PDE1A: variants seen among roughly 807,000 people sequenced by gnomAD.
PDE1A encodes phosphodiesterase 1A, also known as dual specificity calcium/calmodulin-dependent 3',5'-cyclic nucleotide phosphodiesterase 1A.
PDE1A carries 35 observed loss-of-function variants against 61.7 expected under a neutral mutation model. That is an observed-to-expected ratio of 0.57 (90% CI 0.43 to 0.75). The LOEUF (loss-of-function observed/expected upper bound fraction) is 0.75, where lower values mean the gene tolerates loss of function less well. Ranked by LOEUF, PDE1A falls within the 30% of genes least tolerant of loss-of-function variation. PDE1A has a pLI of 0.00. For missense variants in PDE1A, 597 were observed against 630.6 expected, an observed-to-expected ratio of 0.95 and a Z score of 0.57; for synonymous variants, 232 against 213.2, an observed-to-expected ratio of 1.09 and a Z score of -0.77.
chr2:182,671,682 C>T, the PDE1A span, among the ~76,000 whole-genome samples: 2 of 144,100 alleles, frequency 1.4e-5, no homozygotes, highest in South Asian at 2.2e-4. Flanking sequence ...TGCAGTGGAG[C>T]GATCTCAGCT....
At chr2:182,539,255 T>C in the PDE1A span, among the ~76,000 whole-genome samples, 1 of 152,168 alleles carries the variant, frequency 6.6e-6, no homozygotes, top group East Asian at 1.9e-4. Context: ...TTAAATTCTG[T>C]GAAATTCATA....
intron 2 of PDE1A, among the ~76,000 whole-genome samples, chr2:182,507,768 T>C (rs1314580031): frequency 6.6e-6 from 1 of 152,194 alleles, no homozygotes; most frequent in Non-Finnish European, 1.5e-5. Context: ...AAATGAAGTA[T>C]TGAACAGCCA....
the PDE1A span, among the ~76,000 whole-genome samples, chr2:182,614,808 T>C: frequency 6.6e-6 from 1 of 152,190 alleles, no homozygotes; most frequent in Non-Finnish European, 1.5e-5. Context: ...CCACCTGCCT[T>C]GGCCTCCCAA....
the PDE1A span, among the ~76,000 whole-genome samples, chr2:182,658,065 A>AAAAAAAAC: frequency 9.4e-6 from 1 of 106,912 alleles, no homozygotes; most frequent in East Asian, 2.7e-4. Flanking sequence ...AAAAAAAAAA[A>AAAAAAAAC]AAAAAAACAA....
intron 8 of PDE1A, among the ~76,000 whole-genome samples, chr2:182,203,918 T>C (rs1005553782): frequency 1.4e-4 from 22 of 152,044 alleles, no homozygotes; most frequent in African/African-American, 5.1e-4. Context: ...AATTCTAAAA[T>C]GTATATAATA....
At chr2:182,444,555 T>G (rs16823254) in intron 2 of PDE1A, among the ~76,000 whole-genome samples, 25,006 of 152,034 alleles carry the variant, frequency 0.16, 2,405 homozygotes, top group Middle Eastern at 0.32. Flanking sequence ...ATATTGTACT[T>G]GAGCAAAATG....
At chr2:182,307,411 G>A (rs1412408772) in intron 1 of PDE1A, among the ~76,000 whole-genome samples, 1 of 152,112 alleles carries the variant, frequency 6.6e-6, no homozygotes. Flanking sequence ...TGCTTTCACT[G>A]TCACCCTCTC....
intron 2 of PDE1A, among the ~76,000 whole-genome samples, chr2:182,484,068 A>G (rs1477112804): frequency 6.6e-6 from 1 of 152,006 alleles, no homozygotes; most frequent in Non-Finnish European, 1.5e-5. Context: ...ATAAACAAAA[A>G]TCTGAATAGA....
intron 1 of PDE1A, among the ~76,000 whole-genome samples, chr2:182,418,487 TA>T (rs1260743037): frequency 5.3e-5 from 8 of 152,188 alleles, no homozygotes; most frequent in African/African-American, 1.9e-4. Context: ...CATTCATATA[TA>T]TTTTTTTCCT....
chr2:182,385,564 T>C (rs1160185977), intron 1 of PDE1A, among the ~76,000 whole-genome samples: 1 of 93,492 alleles, frequency 1.1e-5, no homozygotes, highest in African/African-American at 4.1e-5. Context: ...CACAAAAAAA[T>C]AAAAAGCAAG....
exon 1 of PDE1A, chr2:182,426,676 T>C (rs950873606): frequency 1.2e-6 from 2 of 1,611,966 alleles, no homozygotes; most frequent in Non-Finnish European, 1.7e-6. Context: ...CTCCAGAAAC[T>C]CCAGAGAGGA....
chr2:182,242,926 C>CTCTCTCT (rs1553550717), intron 2 of PDE1A, among the ~76,000 whole-genome samples: 1 of 31,786 alleles, frequency 3.1e-5, no homozygotes. Flanking sequence ...CTCTCTCTCT[C>CTCTCTCT]GTGTGTGTAT....
At chr2:182,683,095 CTT>C in the PDE1A span, among the ~76,000 whole-genome samples, 11 of 137,806 alleles carry the variant, frequency 8.0e-5, no homozygotes, top group Admixed American at 7.3e-5. Flanking sequence ...TTTTTCTTTT[CTT>C]TTTTTTTTTT....
chr2:182,371,352 A>T (rs1053280940), intron 1 of PDE1A, among the ~76,000 whole-genome samples: 1 of 152,210 alleles, frequency 6.6e-6, no homozygotes, highest in African/African-American at 2.4e-5. Flanking sequence ...GCAGTATTTT[A>T]ATTGAAATGT....
the PDE1A span, among the ~76,000 whole-genome samples, chr2:182,591,686 C>T: frequency 6.6e-6 from 1 of 152,158 alleles, no homozygotes; most frequent in East Asian, 1.9e-4. Flanking sequence ...CAAGCTGTGA[C>T]ATCCAAAAAT....
intron 2 of PDE1A, among the ~76,000 whole-genome samples, chr2:182,498,962 AT>A (rs1688906509): frequency 2.0e-5 from 3 of 151,666 alleles, no homozygotes; most frequent in African/African-American, 4.8e-5. Context: ...AAATAAAAAA[AT>A]GACCCTACTA....
At chr2:182,428,124 T>C (rs1014036091), upstream of PDE1A, among the ~76,000 whole-genome samples, 3 of 152,158 alleles carry the variant, frequency 2.0e-5, no homozygotes, top group Admixed American at 6.6e-5. Flanking sequence ...CTAGGAAATG[T>C]AATCATTATG....
At chr2:182,405,805 G>A (rs1702266475) in intron 1 of PDE1A, among the ~76,000 whole-genome samples, 1 of 151,868 alleles carries the variant, frequency 6.6e-6, no homozygotes, top group Non-Finnish European at 1.5e-5. Context: ...TTGAGGTGAT[G>A]GATATCTTAA....
At chr2:182,294,276 CAG>C (rs1694729985) in intron 1 of PDE1A, among the ~76,000 whole-genome samples, 1 of 152,096 alleles carries the variant, frequency 6.6e-6, no homozygotes, top group South Asian at 2.1e-4. Context: ...GTAAATTAAT[CAG>C]AGAGCAATTA....
Sources: allele counts gnomAD v4.1 joint callset (sites outside exome capture counted in the v4.1 genomes callset), GRCh38; gene constraint gnomAD v4.1.1; transcripts MANE v1.5; gene names NCBI Gene and HGNC (gene_info 2026-07-23, HGNC 2026-07-21).